PVT1: variants seen among roughly 807,000 people sequenced by gnomAD.
PVT1 encodes the protein CXCR4/PVT1 fusion.
chr8:128,029,366 A>C (rs1813361693), intron 4 of PVT1, among the ~76,000 whole-genome samples: 1 of 152,084 alleles, frequency 6.6e-6, no homozygotes, highest in African/African-American at 2.4e-5. Flanking sequence ...GGGCTCAAGC[A>C]ACCTGCCTAC....
chr8:128,067,421 C>G (rs2130130271), intron 4 of PVT1, among the ~76,000 whole-genome samples: 1 of 152,326 alleles, frequency 6.6e-6, no homozygotes, highest in East Asian at 1.9e-4. Flanking sequence ...CCACGGCTGG[C>G]ACAGTCCCCG....
At chr8:127,824,412 C>T (rs1288993015) in intron 2 of PVT1, among the ~76,000 whole-genome samples, 2 of 152,144 alleles carry the variant, frequency 1.3e-5, no homozygotes, top group Admixed American at 6.5e-5. Flanking sequence ...CCTACTTTGG[C>T]CTCCCGAAGT....
chr8:127,952,817 T>G (rs1586452809), intron 3 of PVT1, among the ~76,000 whole-genome samples: 1 of 150,734 alleles, frequency 6.6e-6, no homozygotes, highest in African/African-American at 2.4e-5. Context: ...CAGGCTGGAG[T>G]GCAAAGGCGC....
chr8:127,960,628 T>C (rs769356967), intron 3 of PVT1: 7 of 513,002 alleles, frequency 1.4e-5, no homozygotes, highest in South Asian at 3.0e-5. Flanking sequence ...TGAACACTTA[T>C]CACTGAAGGC....
Position 127,963,242 on chromosome 8 carries a change from G to T in PVT1, n.783-25920G>T, listed in dbSNP as rs114685699. Among the ~76,000 whole-genome samples the T allele has an allele frequency of 2.6e-5, 4 of 152,172 alleles. No individual in the cohort carries two copies. The South Asian group carries it at 6.2e-4, about 24-fold the overall frequency. ...CTCTGTTATCCCAGGTCCTAGGCTCGCATCGGCCACTTGCCACCATGTTGG... is the reference window on the plus strand; with the variant it reads ...CTCTGTTATCCCAGGTCCTAGGCTCTCATCGGCCACTTGCCACCATGTTGG... On this transcript the variant is annotated intron_variant and non_coding_transcript_variant, in intron 3 of 10. Coordinates refer to ENST00000651587, the Ensembl canonical transcript of PVT1.
chr8:128,008,883 A>G (rs764863860), intron 4 of PVT1: 1 of 514,390 alleles, frequency 1.9e-6, no homozygotes, highest in Admixed American at 1.9e-5. Context: ...TCAGGCTTAC[A>G]TGCTTTTTTC....
intron 2 of PVT1, among the ~76,000 whole-genome samples, chr8:127,814,514 T>C (rs571347514): frequency 6.6e-6 from 1 of 152,232 alleles, no homozygotes; most frequent in Admixed American, 6.5e-5. Context: ...TGCTGGGCAA[T>C]GCTCTAAGTG....
chr8:128,012,103 C>T (rs1271899704), intron 4 of PVT1, among the ~76,000 whole-genome samples: 3 of 152,290 alleles, frequency 2.0e-5, no homozygotes, highest in African/African-American at 7.2e-5. Flanking sequence ...TTTGTGAGTA[C>T]ATTAGCTCCC....
At chr8:127,903,900 T>A (rs911202182) in intron 3 of PVT1, among the ~76,000 whole-genome samples, 2 of 152,180 alleles carry the variant, frequency 1.3e-5, no homozygotes, top group African/African-American at 4.8e-5. Context: ...ATTGCTTTGG[T>A]CATTCAGGCT....
chr8:127,970,147 C>A (rs1390962156), intron 3 of PVT1, among the ~76,000 whole-genome samples: 4 of 152,034 alleles, frequency 2.6e-5, no homozygotes, highest in African/African-American at 7.2e-5. Flanking sequence ...TGCATCCAGG[C>A]ATGTGGCTTA....
intron 3 of PVT1, among the ~76,000 whole-genome samples, chr8:127,951,826 T>C (rs1294603976): frequency 1.3e-5 from 2 of 151,962 alleles, no homozygotes; most frequent in Non-Finnish European, 2.9e-5. Context: ...TCCTTTTTTT[T>C]TTTTTTTAAG....
chr8:127,934,884 G>T (rs940299175), intron 3 of PVT1, among the ~76,000 whole-genome samples: 3 of 152,176 alleles, frequency 2.0e-5, no homozygotes, highest in African/African-American at 7.2e-5. Flanking sequence ...GCCAGATGGC[G>T]TTGGGCTAGA....
intron 4 of PVT1, among the ~76,000 whole-genome samples, chr8:128,016,502 C>A (rs780535634): frequency 1.7e-4 from 26 of 152,076 alleles, no homozygotes; most frequent in Admixed American, 3.9e-4. Flanking sequence ...TGGTAGACAT[C>A]TCTCTGTGTT....
intron 2 of PVT1, among the ~76,000 whole-genome samples, chr8:127,867,720 C>T (rs892525833): frequency 1.1e-4 from 16 of 143,508 alleles, no homozygotes; most frequent in African/African-American, 3.8e-4. Flanking sequence ...GACATGGTGG[C>T]GGGTGGGGTG....
rs1399932234 is a variant in PVT1, at chr8:128,028,508, AG to A, written n.912+39219del. On this transcript the variant is annotated intron_variant and non_coding_transcript_variant, in intron 4 of 10. Transcript: ENST00000651587. ...GCCTGGCTGGGTTCTGAGCTCTCTG[AG>A]GAGAGGCAGGACTGGGCAAAGGGTA... is the stretch of plus-strand genomic sequence containing the variant. Among the ~76,000 whole-genome samples the A allele has an allele frequency of 2.0e-5, 3 of 152,328 alleles. No homozygotes were observed. The East Asian group carries it at 5.8e-4, about 29-fold the overall frequency.
At chr8:127,966,648 G>C (rs1053988741) in intron 3 of PVT1, among the ~76,000 whole-genome samples, 1 of 152,188 alleles carries the variant, frequency 6.6e-6, no homozygotes, top group Non-Finnish European at 1.5e-5. Flanking sequence ...GGCTGTAGCA[G>C]CTGAGGGACT....
chr8:128,089,655 C>T (rs74885890), intron 5 of PVT1, among the ~76,000 whole-genome samples: 13,400 of 152,252 alleles, frequency 0.088, 866 homozygotes, highest in Admixed American at 0.21. Context: ...CACAATTACG[C>T]ATAGCAGGGT....
intron 4 of PVT1, among the ~76,000 whole-genome samples, chr8:128,041,163 T>C (rs1367376928): frequency 1.3e-5 from 2 of 151,492 alleles, no homozygotes; most frequent in African/African-American, 4.9e-5. Context: ...TGTATGTGTG[T>C]TTCTGCATGT....
At chr8:128,053,840 C>T (rs936038670) in intron 4 of PVT1, among the ~76,000 whole-genome samples, 1 of 152,230 alleles carries the variant, frequency 6.6e-6, no homozygotes, top group African/African-American at 2.4e-5. Context: ...GGGGCAAGGC[C>T]AGGCCAGGGC....
Sources: gnomAD v4.1 joint callset for allele counts (sites outside exome capture counted in the v4.1 genomes callset) on GRCh38, gnomAD v4.1.1 for gene constraint, MANE v1.5 for transcripts, NCBI Gene and HGNC (gene_info 2026-07-23, HGNC 2026-07-21) for gene names.